BEND6: variants seen among roughly 807,000 people sequenced by gnomAD.
BEND6 encodes BEN domain containing 6, also known as BEN domain-containing protein 6.
A neutral mutation model predicts 31.8 loss-of-function variants in BEND6; 24 were observed. The ratio of observed to expected loss-of-function variants is 0.75; its 90% CI spans 0.55 to 1.06. The LOEUF is 1.06. BEND6 is among the 50% of genes least tolerant of loss of function. BEND6 has a pLI of 0.00. For missense variants in BEND6, 294 were observed against 327.4 expected, an observed-to-expected ratio of 0.90 and a Z score of 0.79; for synonymous variants, 109 against 114.6, an observed-to-expected ratio of 0.95 and a Z score of 0.31.
intron 3 of BEND6, chr6:57,004,850 G>T: frequency 1.5e-6 from 1 of 649,772 alleles, no homozygotes; most frequent in Non-Finnish European, 2.8e-6. Context: ...GGGCAACAAG[G>T]AAATACAAAG....
intron 3 of BEND6, chr6:57,009,301 A>G (rs2127884293): frequency 6.6e-6 from 1 of 152,324 alleles, no homozygotes; most frequent in Non-Finnish European, 1.5e-5. Context: ...CAACATAAAA[A>G]AATGATAAAT....
chr6:56,974,988 G>C (rs1165089891), intron 1 of BEND6, among the ~76,000 whole-genome samples: 1 of 152,090 alleles, frequency 6.6e-6, no homozygotes, highest in Non-Finnish European at 1.5e-5. Flanking sequence ...GCATGATGGC[G>C]GGTGCCTGTA....
Position 57,018,486 on chromosome 6 carries a change from C to G in BEND6, c.778C>G (p.Leu260Val). ...AATTAGGAGAATGATAGGGCAAAAG[C>G]TAAACAACTGTACCAAGAAGCCAAA... ...VSIRRMIGQK[L>V]NNCTKKPNLS... The change falls in exon 6 of 7, where the codon CTA (leucine) becomes GTA (valine). Residue 260 changes from leucine (L) to valine (V), a missense_variant. Physicochemically the swap from Leu to Val is conservative, Grantham distance 32. Transcript: ENST00000370746. 1 of 1,589,000 alleles carries G rather than the reference C, an allele frequency of 6.3e-7. No homozygotes were observed. Among genetic ancestry groups the G allele is most frequent in the Non-Finnish European group, 8.5e-7 (1 of 1,170,984 alleles).
chr6:56,980,616 T>C (rs1826033171), intron 1 of BEND6, among the ~76,000 whole-genome samples: 1 of 152,204 alleles, frequency 6.6e-6, no homozygotes, highest in Non-Finnish European at 1.5e-5. Context: ...TTTGAAAGGC[T>C]AAAGTAAGTT....
chr6:56,981,591 A>G, intron 1 of BEND6, 120 bp from the exon 2 acceptor site: 1 of 360,838 alleles, frequency 2.8e-6, no homozygotes. Context: ...GTACTAAATT[A>G]ATCAGTGGAA....
At chr6:57,020,840 T>G (rs9382677) in intron 6 of BEND6, among the ~76,000 whole-genome samples, 104,608 of 145,374 alleles carry the variant, frequency 0.72, 37,984 homozygotes, top group South Asian at 0.89. Context: ...CTTGTTTTTT[T>G]TTTTTTTTTT....
chr6:57,008,068 T>C (rs1827222788), intron 3 of BEND6: 1 of 668,792 alleles, frequency 1.5e-6, no homozygotes, highest in African/African-American at 1.8e-5. Flanking sequence ...TTGTTTCAAC[T>C]AGAAGGTCAG....
intron 3 of BEND6, among the ~76,000 whole-genome samples, chr6:56,999,612 G>A (rs1826850705): frequency 6.6e-6 from 1 of 152,182 alleles, no homozygotes; most frequent in African/African-American, 2.4e-5. Flanking sequence ...ACCTGAAGGT[G>A]GACCTGTCCA....
chr6:56,985,170 A>T (rs1826212964), intron 2 of BEND6, among the ~76,000 whole-genome samples: 2 of 152,222 alleles, frequency 1.3e-5, no homozygotes, highest in Admixed American at 6.5e-5. Context: ...CCAGCATGCC[A>T]TGCCTGTGCG....
At chr6:57,010,792 A>G (rs757529868) in intron 3 of BEND6, 88 of 833,906 alleles carry the variant, frequency 1.1e-4, no homozygotes, top group Non-Finnish European at 1.2e-4. Context: ...ATGAGTAAGT[A>G]TAAAATAAAT....
chr6:56,989,043 A>G (rs1826393320), intron 2 of BEND6, among the ~76,000 whole-genome samples: 1 of 150,356 alleles, frequency 6.7e-6, no homozygotes, highest in Non-Finnish European at 1.5e-5. Context: ...AAAGTAAATA[A>G]ATAAATAAAT....
intron 3 of BEND6, among the ~76,000 whole-genome samples, chr6:57,000,735 G>A (rs1378949740): frequency 6.6e-6 from 1 of 151,730 alleles, no homozygotes; most frequent in African/African-American, 2.4e-5. Flanking sequence ...TGGCTGGGAG[G>A]CGATTCCTTT....
chr6:56,973,986 C>T (rs1825783945), intron 1 of BEND6, among the ~76,000 whole-genome samples: 1 of 152,232 alleles, frequency 6.6e-6, no homozygotes, highest in South Asian at 2.1e-4. Context: ...CTTCTGGCCT[C>T]AAGTGATCTG....
At chr6:56,995,153 C>T (rs1826657932) in intron 3 of BEND6, among the ~76,000 whole-genome samples, 2 of 151,764 alleles carry the variant, frequency 1.3e-5, no homozygotes, top group Admixed American at 1.3e-4. Context: ...CTGTCTCCTG[C>T]AAGATCAAGT....
intron 3 of BEND6, 99 bp downstream of exon 3, chr6:56,992,654 C>A: frequency 7.7e-7 from 1 of 1,297,666 alleles, no homozygotes; most frequent in South Asian, 1.6e-5. Flanking sequence ...AGAAAATCCA[C>A]ACCTCTGGGA....
intron 1 of BEND6, among the ~76,000 whole-genome samples, chr6:56,966,162 C>T (rs1825471427): frequency 6.6e-6 from 1 of 152,130 alleles, no homozygotes; most frequent in African/African-American, 2.4e-5. Context: ...AGTGCAATGG[C>T]ATGATCTCGG....
At chr6:57,000,774 A>C (rs540426357) in intron 3 of BEND6, among the ~76,000 whole-genome samples, 2 of 151,306 alleles carry the variant, frequency 1.3e-5, no homozygotes, top group South Asian at 4.2e-4. Context: ...CTGAGGCCAT[A>C]CCCACTTTCT....
chr6:57,016,605 G>A (rs1028144262), intron 4 of BEND6, among the ~76,000 whole-genome samples: 6 of 152,018 alleles, frequency 3.9e-5, no homozygotes, highest in African/African-American at 1.2e-4. Flanking sequence ...AGCCCACTTC[G>A]GCCATCTTCA....
chr6:56,971,636 A>C (rs969936237), intron 1 of BEND6, among the ~76,000 whole-genome samples: 1 of 151,926 alleles, frequency 6.6e-6, no homozygotes, highest in East Asian at 1.9e-4. Context: ...AATACTTATG[A>C]TTTTGTTTTT....
Sources: gnomAD v4.1 joint callset for allele counts (sites outside exome capture counted in the v4.1 genomes callset) on GRCh38, gnomAD v4.1.1 for gene constraint, MANE v1.5 for transcripts, NCBI Gene and HGNC (gene_info 2026-07-23, HGNC 2026-07-21) for gene names.